RABGAP1L: variants seen among roughly 807,000 people sequenced by gnomAD.
RABGAP1L encodes rab GTPase-activating protein 1-like.
RABGAP1L carries 63 observed loss-of-function variants against 137.7 expected under a neutral mutation model. The ratio of observed to expected loss-of-function variants is 0.46; its 90% CI spans 0.37 to 0.56. The LOEUF (loss-of-function observed/expected upper bound fraction) is 0.56, where lower values mean the gene tolerates loss of function less well. Among genes scored for constraint, RABGAP1L ranks in the 20% least tolerant of loss-of-function variants. RABGAP1L has a pLI of 0.00. For missense variants in RABGAP1L, 1,095 were observed against 1,244.0 expected (o/e 0.88, Z 1.80); for synonymous variants, 431 against 433.7 (o/e 0.99, Z 0.08).
At chr1:174,283,529 C>T (rs187611910) in intron 10 of RABGAP1L, among the ~76,000 whole-genome samples, 65 of 150,676 alleles carry the variant, frequency 4.3e-4, no homozygotes, top group African/African-American at 1.2e-3. Context: ...TTTTTTGAGA[C>T]GGAGTCTCAA....
intron 19 of RABGAP1L, among the ~76,000 whole-genome samples, chr1:174,917,787 G>A (rs1428883637): frequency 6.6e-6 from 1 of 152,082 alleles, no homozygotes; most frequent in East Asian, 1.9e-4. Context: ...ACAAAAAGTA[G>A]CCAGGCATGC....
At chr1:174,280,212 A>G (rs1411002892) in intron 10 of RABGAP1L, among the ~76,000 whole-genome samples, 1 of 152,118 alleles carries the variant, frequency 6.6e-6, no homozygotes, top group Admixed American at 6.5e-5. Flanking sequence ...TACACCTCCA[A>G]AAGGTGGGTT....
intron 13 of RABGAP1L, among the ~76,000 whole-genome samples, chr1:174,450,449 A>G (rs1655306842): frequency 6.6e-6 from 1 of 152,334 alleles, no homozygotes; most frequent in East Asian, 1.9e-4. Flanking sequence ...GAAAAAGTAT[A>G]TACAAAAACC....
chr1:174,454,454 A>G (rs1655805927), intron 13 of RABGAP1L, among the ~76,000 whole-genome samples: 1 of 152,012 alleles, frequency 6.6e-6, no homozygotes. Context: ...ACAACCTTCT[A>G]CTTGCAATAG....
At chr1:174,614,906 C>T (rs1251251180) in intron 13 of RABGAP1L, among the ~76,000 whole-genome samples, 2 of 152,176 alleles carry the variant, frequency 1.3e-5, no homozygotes, top group South Asian at 2.1e-4. Flanking sequence ...ACGTAGTTCT[C>T]GAGCCTTGGC....
At chr1:174,750,609 G>C (rs1305184905) in intron 17 of RABGAP1L, among the ~76,000 whole-genome samples, 2 of 152,174 alleles carry the variant, frequency 1.3e-5, no homozygotes. Flanking sequence ...ACATGGAGTG[G>C]AGTTTCCAAA....
At chr1:174,277,298 A>G (rs919877005) in intron 9 of RABGAP1L, among the ~76,000 whole-genome samples, 4 of 152,050 alleles carry the variant, frequency 2.6e-5, no homozygotes, top group Non-Finnish European at 5.9e-5. Flanking sequence ...CAGGCTTGCA[A>G]ATACCTGTAA....
intron 17 of RABGAP1L, among the ~76,000 whole-genome samples, chr1:174,728,629 A>T (rs1682200875): frequency 8.5e-6 from 1 of 117,618 alleles, no homozygotes; most frequent in Non-Finnish European, 1.6e-5. Context: ...ATGGAGTCTC[A>T]CTGTGTTGCC....
intron 13 of RABGAP1L, among the ~76,000 whole-genome samples, chr1:174,402,477 T>TAAGAAAGAAGTTCTAA (rs911942117): frequency 1.3e-5 from 2 of 152,118 alleles, no homozygotes; most frequent in Non-Finnish European, 2.9e-5. Flanking sequence ...AGTCAGTGAG[T>TAAGAAAGAAGTTCTAA]AAGAAAGAAG....
chr1:174,162,981 C>A (rs1051520148), intron 1 of RABGAP1L, among the ~76,000 whole-genome samples: 2 of 149,878 alleles, frequency 1.3e-5, no homozygotes, highest in Non-Finnish European at 3.0e-5. Flanking sequence ...GGGAGATATA[C>A]CTAATGCTAG....
At chr1:174,580,985 A>C (rs1312402895) in intron 13 of RABGAP1L, among the ~76,000 whole-genome samples, 1 of 152,158 alleles carries the variant, frequency 6.6e-6, no homozygotes, top group East Asian at 1.9e-4. Flanking sequence ...ATGAGATACC[A>C]CTTCACACCC....
chr1:174,202,367 A>AT (rs1403383752), intron 1 of RABGAP1L, among the ~76,000 whole-genome samples: 3 of 152,036 alleles, frequency 2.0e-5, no homozygotes, highest in African/African-American at 7.2e-5. Context: ...ATGGTATCTC[A>AT]TTGTGGTTTT....
intron 12 of RABGAP1L, among the ~76,000 whole-genome samples, chr1:174,387,383 ATAT>A (rs1686883242): frequency 6.6e-6 from 1 of 152,206 alleles, no homozygotes; most frequent in African/African-American, 2.4e-5. Context: ...GAAAATTGTG[ATAT>A]TATCAATAAA....
chr1:174,859,080 A>G (rs924832369), intron 19 of RABGAP1L, among the ~76,000 whole-genome samples: 3 of 152,232 alleles, frequency 2.0e-5, no homozygotes, highest in Non-Finnish European at 2.9e-5. Flanking sequence ...AAAGGAATAT[A>G]AATCATTCTG....
At chr1:174,819,268 CAA>C (rs1299703217) in intron 19 of RABGAP1L, among the ~76,000 whole-genome samples, 2 of 140,262 alleles carry the variant, frequency 1.4e-5, no homozygotes, top group East Asian at 2.3e-4. Flanking sequence ...TGAGTAAGTA[CAA>C]GAGAGAGAGA....
chr1:174,818,222 T>A (rs550430370), intron 19 of RABGAP1L, among the ~76,000 whole-genome samples: 1 of 152,140 alleles, frequency 6.6e-6, no homozygotes, highest in Non-Finnish European at 1.5e-5. Flanking sequence ...TGCATTCACA[T>A]GTAAAATACA....
intron 13 of RABGAP1L, among the ~76,000 whole-genome samples, chr1:174,494,301 G>A (rs1486312588): frequency 6.6e-6 from 1 of 152,016 alleles, no homozygotes; most frequent in Non-Finnish European, 1.5e-5. Flanking sequence ...AAATATGATA[G>A]GAAAGGAAAT....
chr1:174,829,482 G>A (rs1691891024), intron 19 of RABGAP1L, among the ~76,000 whole-genome samples: 2 of 148,258 alleles, frequency 1.3e-5, no homozygotes, highest in South Asian at 4.4e-4. Context: ...ATTCTTCCTT[G>A]ATGTTGTGGA....
intron 13 of RABGAP1L, among the ~76,000 whole-genome samples, chr1:174,608,444 C>T (rs1191149481): frequency 5.9e-5 from 9 of 152,016 alleles, no homozygotes; most frequent in African/African-American, 1.9e-4. Context: ...TAAGTATATA[C>T]AACTTGGTAT....
Sources: gnomAD v4.1 joint callset for allele counts (sites outside exome capture counted in the v4.1 genomes callset) on GRCh38, gnomAD v4.1.1 for gene constraint, MANE v1.5 for transcripts, NCBI Gene and HGNC (gene_info 2026-07-23, HGNC 2026-07-21) for gene names.